The following DENND1A variants were observed in gnomAD, a reference collection of about 807,000 sequenced individuals.
The protein encoded by DENND1A is DENN domain containing 1A.
A neutral mutation model predicts 113.7 loss-of-function variants in DENND1A; 51 were observed. The ratio of observed to expected loss-of-function variants is 0.45; its 90% CI spans 0.36 to 0.57. The LOEUF is 0.57. DENND1A is among the 20% of genes least tolerant of loss of function. DENND1A has a pLI of 0.00. For missense variants in DENND1A, 1,258 were observed against 1,395.9 expected (o/e 0.90, Z 1.57); for synonymous variants, 565 against 570.8 (o/e 0.99, Z 0.14).
chr9:123,481,175 G>A (rs1327209326), intron 13 of DENND1A, among the ~76,000 whole-genome samples: 1 of 152,210 alleles, frequency 6.6e-6, no homozygotes, highest in Non-Finnish European at 1.5e-5. Context: ...CAAATTGGAG[G>A]GAATTCAGGG....
Position 123,780,941 on chromosome 9 carries a change from G to A in DENND1A, c.133-11378C>T, listed in dbSNP as rs543822678. On this transcript the variant is annotated intron_variant, in intron 3 of 23. Transcript: ENST00000394215. ...TTTATGCAGATATTATCCTCCTATC[G>A]ATGGAATGCACCTTGAAAACTAAGT... Among the ~76,000 whole-genome samples, 31 of 152,238 alleles carry A rather than the reference G, an allele frequency of 2.0e-4. 1 individual carries two copies. In the East Asian group the frequency reaches 5.8e-3, roughly 28 times the overall value.
chr9:123,532,952 A>C (rs1319458095), intron 13 of DENND1A, among the ~76,000 whole-genome samples: 1 of 152,254 alleles, frequency 6.6e-6, no homozygotes, highest in African/African-American at 2.4e-5. Context: ...CTGGATAAAT[A>C]ATGCAGATGG....
intron 22 of DENND1A, among the ~76,000 whole-genome samples, chr9:123,386,492 G>A (rs985184035): frequency 3.3e-5 from 5 of 150,604 alleles, no homozygotes; most frequent in African/African-American, 9.8e-5. Context: ...AGTGATTCTC[G>A]TGCCTCAGCC....
chr9:123,905,679 C>A (rs1852671573), intron 1 of DENND1A, among the ~76,000 whole-genome samples: 1 of 151,142 alleles, frequency 6.6e-6, no homozygotes, highest in Non-Finnish European at 1.5e-5. Context: ...TATATGCACC[C>A]AATACAGGAG....
At chr9:123,742,525 T>C (rs2069115377) in intron 5 of DENND1A, among the ~76,000 whole-genome samples, 1 of 152,238 alleles carries the variant, frequency 6.6e-6, no homozygotes, top group Non-Finnish European at 1.5e-5. Context: ...ATTCTCACTT[T>C]GCACCACAAG....
rs117878774 is a variant in DENND1A at position 123,694,543 on chromosome 9, T to C, written c.303-17754A>G. Reference sequence around the variant, plus strand: ...CCAAAAGTAGATCTTTCTGTGCCCATTGAATGGCAATCTCCCAATATTACT... The same window carrying C: ...CCAAAAGTAGATCTTTCTGTGCCCACTGAATGGCAATCTCCCAATATTACT... On this transcript the variant is annotated intron_variant, in intron 5 of 23. Transcript: ENST00000394215. Among the ~76,000 whole-genome samples, 14 of 152,330 alleles carry C rather than the reference T, an allele frequency of 9.2e-5. No homozygotes were observed. The East Asian group carries it at 1.7e-3, about 19-fold the overall frequency.
At chr9:123,662,307 A>T (rs1450456391) in intron 8 of DENND1A, among the ~76,000 whole-genome samples, 1 of 152,226 alleles carries the variant, frequency 6.6e-6, no homozygotes, top group Non-Finnish European at 1.5e-5. Flanking sequence ...CACACTTGTA[A>T]TTCCAGCACT....
At chr9:123,714,512 G>C (rs1345884818) in intron 5 of DENND1A, among the ~76,000 whole-genome samples, 8 of 152,120 alleles carry the variant, frequency 5.3e-5, no homozygotes, top group Admixed American at 5.2e-4. Flanking sequence ...TGAAGAAGGA[G>C]AATTGCTTGA....
Position 123,722,254 on chromosome 9 carries a change from T to G in DENND1A, c.302+35449A>C, listed in dbSNP as rs112093648. 1.6e-4 allele frequency among the ~76,000 whole-genome samples: 24 copies of G among 152,338 alleles called. 1 individual carries two copies. The highest frequency in any genetic ancestry group is 5.8e-4 in the African/African-American group (24 of 41,592). On this transcript the variant is annotated intron_variant, in intron 5 of 23. Coordinates refer to ENST00000394215, the MANE Select transcript of DENND1A (RefSeq NM_001352964.2). ...TAGGGTATCCGGCAGAAGAAATTTC[T>G]AAGCAGCAAAGCATTCAAGAGGTGA... is the stretch of plus-strand genomic sequence containing the variant.
intron 13 of DENND1A, among the ~76,000 whole-genome samples, chr9:123,535,129 T>C (rs2055638940): frequency 6.6e-6 from 1 of 152,200 alleles, no homozygotes; most frequent in African/African-American, 2.4e-5. Flanking sequence ...CAGTGGTCTC[T>C]CCCTAGACCC....
chr9:123,816,769 A>G (rs779608983), intron 2 of DENND1A, among the ~76,000 whole-genome samples: 13 of 152,356 alleles, frequency 8.5e-5, no homozygotes, highest in Non-Finnish European at 1.8e-4. Context: ...GCTCTTTCAC[A>G]TTCTTTAGAA....
At chr9:123,761,174 A>T (rs1347081094) in intron 4 of DENND1A, among the ~76,000 whole-genome samples, 1 of 152,228 alleles carries the variant, frequency 6.6e-6, no homozygotes, top group African/African-American at 2.4e-5. Context: ...ACAGGCTCAG[A>T]GAAAGAATCA....
Position 123,630,364 on chromosome 9 carries a change from C to T in DENND1A, c.719+12G>A, listed in dbSNP as rs772312044. On this transcript the variant is annotated intron_variant, in intron 10 of 23. Coordinates refer to ENST00000394215, the MANE Select transcript of DENND1A (RefSeq NM_001352964.2). ...GCAAAGGAGAAGCAGAGGACAGGGC[C>T]AGCCACCTTACCAGCAGTAGTCCAG... 28 of 1,580,732 alleles carry T rather than the reference C, an allele frequency of 1.8e-5. No homozygotes were observed. The South Asian group carries it at 2.6e-4, about 15-fold the overall frequency.
intron 2 of DENND1A, among the ~76,000 whole-genome samples, chr9:123,814,573 C>T (rs1564324504): frequency 6.6e-6 from 1 of 152,064 alleles, no homozygotes; most frequent in Admixed American, 6.5e-5. Flanking sequence ...TTCCTCAAAG[C>T]CATACAATAA....
At chr9:123,662,042 A>G (rs193042397) in intron 8 of DENND1A, among the ~76,000 whole-genome samples, 1 of 152,356 alleles carries the variant, frequency 6.6e-6, no homozygotes, top group East Asian at 1.9e-4. Flanking sequence ...GGAACCACCA[A>G]GTGCCCAGCA....
chr9:123,424,601 C>T (rs1027686634), intron 19 of DENND1A, among the ~76,000 whole-genome samples: 1 of 152,210 alleles, frequency 6.6e-6, no homozygotes, highest in African/African-American at 2.4e-5. Flanking sequence ...ATACAACCCT[C>T]GTTGGCTCCT....
At chr9:123,869,782 C>T (rs560034674) in intron 2 of DENND1A, among the ~76,000 whole-genome samples, 2 of 152,188 alleles carry the variant, frequency 1.3e-5, no homozygotes, top group East Asian at 3.9e-4. Context: ...GGGAGGATCT[C>T]TTGAGCCCAG....
At chr9:123,830,167 T>C (rs2132751544) in intron 2 of DENND1A, among the ~76,000 whole-genome samples, 1 of 152,326 alleles carries the variant, frequency 6.6e-6, no homozygotes, top group South Asian at 2.1e-4. Context: ...AATAAACTGC[T>C]GATAGGTGAA....
chr9:123,809,853 TAG>T (rs952708719), intron 2 of DENND1A, among the ~76,000 whole-genome samples: 49 of 152,272 alleles, frequency 3.2e-4, no homozygotes, highest in African/African-American at 1.1e-3. Flanking sequence ...GTATTTTTAC[TAG>T]AGACAGGGTT....
Sources: gnomAD v4.1 joint callset for allele counts (sites outside exome capture counted in the v4.1 genomes callset) on GRCh38, gnomAD v4.1.1 for gene constraint, MANE v1.5 for transcripts, NCBI Gene and HGNC (gene_info 2026-07-23, HGNC 2026-07-21) for gene names.